ANKS1B: variants seen among roughly 807,000 people sequenced by gnomAD.
The protein encoded by ANKS1B is ankyrin repeat and sterile alpha motif domain containing 1B.
A neutral mutation model predicts 148.3 loss-of-function variants in ANKS1B; 36 were observed. The ratio of observed to expected loss-of-function variants is 0.24; its 90% CI spans 0.19 to 0.32. The LOEUF (loss-of-function observed/expected upper bound fraction) is 0.32. Among genes scored for constraint, ANKS1B ranks in the 10% least tolerant of loss-of-function variants. The pLI is 1.00. For synonymous variants in ANKS1B, 542 were observed against 560.8 expected, an observed-to-expected ratio of 0.97 and a Z score of 0.47; for missense variants, 1,157 against 1,542.6, an observed-to-expected ratio of 0.75 and a Z score of 4.19.
In ANKS1B at chr12:99,207,543, G is replaced by C. The variant is rs146509803; in HGVS notation, c.2419+36799C>G. Among the ~76,000 whole-genome samples, 720 of 152,068 alleles carry C rather than the reference G, an allele frequency of 4.7e-3. 5 individuals carry two copies. The highest frequency in any genetic ancestry group is 0.017 in the African/African-American group (697 of 41,534). ...AAACATGAAAAAATTGTTATATGAG[G>C]AAGCACATGTTTCTAGAAAGTATAA... is the stretch of plus-strand genomic sequence containing the variant. On this transcript the variant is annotated intron_variant, in intron 14 of 26. Transcript: ENST00000683438.
chr12:99,180,453 G>T (rs1426160776), intron 14 of ANKS1B, among the ~76,000 whole-genome samples: 1 of 152,098 alleles, frequency 6.6e-6, no homozygotes, highest in Non-Finnish European at 1.5e-5. Context: ...TTCATTAGAA[G>T]AATCTTCTAA....
chr12:98,755,823 G>T (rs1306848516), intron 25 of ANKS1B, among the ~76,000 whole-genome samples: 2 of 152,108 alleles, frequency 1.3e-5, no homozygotes, highest in Non-Finnish European at 2.9e-5. Context: ...TGTCTACCCA[G>T]CTTGTCTCTA....
At chr12:98,814,597 T>C (rs926393502) in intron 19 of ANKS1B, among the ~76,000 whole-genome samples, 3 of 152,216 alleles carry the variant, frequency 2.0e-5, no homozygotes, top group African/African-American at 7.2e-5. Flanking sequence ...AAGGAACATT[T>C]GTCATTAGCA....
intron 1 of ANKS1B, among the ~76,000 whole-genome samples, chr12:99,872,623 T>A (rs181857006): frequency 6.6e-6 from 1 of 152,298 alleles, no homozygotes; most frequent in East Asian, 1.9e-4. Flanking sequence ...GTATGTAATT[T>A]CATTAAGCTT....
chr12:99,820,624 A>T (rs965859050), intron 2 of ANKS1B, among the ~76,000 whole-genome samples: 1 of 151,988 alleles, frequency 6.6e-6, no homozygotes, highest in African/African-American at 2.4e-5. Flanking sequence ...GCTAAGTGAG[A>T]ATGCAAATAA....
chr12:99,242,708 G>A (rs988600052), intron 14 of ANKS1B, among the ~76,000 whole-genome samples: 5 of 152,092 alleles, frequency 3.3e-5, no homozygotes, highest in African/African-American at 1.2e-4. Flanking sequence ...TAGACCAATG[G>A]AACAGAACAG....
intron 17 of ANKS1B, among the ~76,000 whole-genome samples, chr12:98,874,624 A>G (rs1410881831): frequency 1.3e-5 from 2 of 152,214 alleles, no homozygotes; most frequent in Non-Finnish European, 2.9e-5. Flanking sequence ...AGAGTGACAG[A>G]GAGGAAACAT....
intron 17 of ANKS1B, among the ~76,000 whole-genome samples, chr12:98,926,541 A>T (rs527849182): frequency 1.3e-5 from 2 of 152,314 alleles, no homozygotes; most frequent in South Asian, 4.1e-4. Flanking sequence ...AAGGAAGTCA[A>T]TAGAAACTGT....
At chr12:99,119,426 T>G (rs149236875) in intron 15 of ANKS1B, among the ~76,000 whole-genome samples, 15 of 152,306 alleles carry the variant, frequency 9.8e-5, no homozygotes, top group African/African-American at 1.4e-4. Context: ...AGATAAATGT[T>G]TTTTTTAGCC....
chr12:99,193,305 G>A (rs1002642646), intron 14 of ANKS1B, among the ~76,000 whole-genome samples: 4 of 151,940 alleles, frequency 2.6e-5, no homozygotes, highest in African/African-American at 7.3e-5. Flanking sequence ...AAGAGTTATC[G>A]ACCTATCTCA....
intron 1 of ANKS1B, among the ~76,000 whole-genome samples, chr12:99,929,088 C>T (rs904390555): frequency 8.5e-5 from 13 of 152,150 alleles, no homozygotes; most frequent in Non-Finnish European, 1.5e-4. Flanking sequence ...TGTCCAACAG[C>T]ATCATGAGAA....
chr12:98,798,890 T>G, intron 22 of ANKS1B, 44 bp downstream of exon 22: 1 of 1,520,936 alleles, frequency 6.6e-7, no homozygotes, highest in Non-Finnish European at 9.0e-7. Context: ...TACCCAGTAT[T>G]TAGTATTTCA....
intron 1 of ANKS1B, among the ~76,000 whole-genome samples, chr12:99,956,538 T>C (rs1263031916): frequency 6.6e-6 from 1 of 152,134 alleles, no homozygotes; most frequent in African/African-American, 2.4e-5. Context: ...TACAACACAA[T>C]CCATGCTGAA....
chr12:99,438,087 A>G (rs1309775132), intron 11 of ANKS1B, among the ~76,000 whole-genome samples: 1 of 151,778 alleles, frequency 6.6e-6, no homozygotes, highest in African/African-American at 2.4e-5. Context: ...TATCCACAGT[A>G]AGAGTTGTCT....
At chr12:99,502,915 G>A (rs1056602144) in intron 10 of ANKS1B, among the ~76,000 whole-genome samples, 19 of 152,012 alleles carry the variant, frequency 1.2e-4, no homozygotes, top group East Asian at 5.8e-4. Flanking sequence ...AGACTATTAC[G>A]TATAATGGCT....
intron 14 of ANKS1B, among the ~76,000 whole-genome samples, chr12:99,205,930 G>C (rs1039759789): frequency 2.0e-5 from 3 of 152,104 alleles, no homozygotes; most frequent in Non-Finnish European, 4.4e-5. Flanking sequence ...TGTCTGACAG[G>C]GTCAGGCAGA....
intron 21 of ANKS1B, among the ~76,000 whole-genome samples, chr12:98,799,976 C>T (rs976305914): frequency 1.3e-5 from 2 of 151,742 alleles, no homozygotes; most frequent in Non-Finnish European, 2.9e-5. Flanking sequence ...TCTGCAGAGA[C>T]GGGGATGGGA....
At chr12:99,918,355 T>C (rs2094236861) in intron 1 of ANKS1B, among the ~76,000 whole-genome samples, 2 of 152,258 alleles carry the variant, frequency 1.3e-5, no homozygotes, top group Non-Finnish European at 2.9e-5. Context: ...CTCTGTGGGA[T>C]GTGATACCTT....
intron 26 of ANKS1B, among the ~76,000 whole-genome samples, chr12:98,746,376 T>C (rs1490133245): frequency 6.6e-6 from 1 of 152,178 alleles, no homozygotes; most frequent in Non-Finnish European, 1.5e-5. Flanking sequence ...CCAGGGCCTC[T>C]GCGCTCATCA....
Sources: allele counts gnomAD v4.1 joint callset (sites outside exome capture counted in the v4.1 genomes callset), GRCh38; gene constraint gnomAD v4.1.1; transcripts MANE v1.5; gene names NCBI Gene and HGNC (gene_info 2026-07-23, HGNC 2026-07-21).